The following CDH13 variants were observed in gnomAD, a reference collection of about 807,000 sequenced individuals.
CDH13 encodes cadherin 13.
A neutral mutation model predicts 63.8 loss-of-function variants in CDH13; 24 were observed. The observed-to-expected ratio is 0.38, with a 90% confidence interval of 0.27 to 0.53. The LOEUF (loss-of-function observed/expected upper bound fraction) is 0.53. Ranked by LOEUF, CDH13 falls within the 20% of genes least tolerant of loss-of-function variation. The probability of loss-of-function intolerance (pLI) is 0.85; values close to 1 mark genes in which losing one functional copy is unlikely to be tolerated. For synonymous variants in CDH13, 503 were observed against 355.3 expected, an observed-to-expected ratio of 1.42 and a Z score of -4.67; for missense variants, 1,049 against 903.1, an observed-to-expected ratio of 1.16 and a Z score of -2.07.
At chr16:82,648,767 GA>G (rs1462698411) in intron 1 of CDH13, among the ~76,000 whole-genome samples, 1 of 152,102 alleles carries the variant, frequency 6.6e-6, no homozygotes, top group Non-Finnish European at 1.5e-5. Flanking sequence ...AGTACAAGAA[GA>G]AAAAACCTTC....
chr16:83,122,840 T>G (rs1403443989), intron 3 of CDH13, among the ~76,000 whole-genome samples: 1 of 152,152 alleles, frequency 6.6e-6, no homozygotes, highest in African/African-American at 2.4e-5. Context: ...ACACACTGTG[T>G]AGTGGGAAGT....
chr16:82,892,104 A>G (rs985239621), intron 2 of CDH13, among the ~76,000 whole-genome samples: 2 of 151,960 alleles, frequency 1.3e-5, no homozygotes, highest in Non-Finnish European at 2.9e-5. Flanking sequence ...TCATCCCTTT[A>G]TGAGCTCATA....
chr16:83,700,224 A>T (rs1340645240), intron 10 of CDH13, among the ~76,000 whole-genome samples: 1 of 152,144 alleles, frequency 6.6e-6, no homozygotes, highest in Non-Finnish European at 1.5e-5. Flanking sequence ...CAGCACAATT[A>T]TTGTGGGATT....
At chr16:83,420,140 C>T (rs764316728) in intron 6 of CDH13, among the ~76,000 whole-genome samples, 9 of 152,126 alleles carry the variant, frequency 5.9e-5, no homozygotes, top group Non-Finnish European at 1.3e-4. Context: ...GGACATAGAG[C>T]TAGGTTCCAT....
chr16:82,739,603 A>G (rs1362930924), intron 1 of CDH13, among the ~76,000 whole-genome samples: 3 of 152,200 alleles, frequency 2.0e-5, no homozygotes, highest in Non-Finnish European at 2.9e-5. Flanking sequence ...AAGAAGTGCT[A>G]TTTCAAATTA....
chr16:82,827,649 G>A (rs2038318278), intron 1 of CDH13, among the ~76,000 whole-genome samples: 1 of 152,162 alleles, frequency 6.6e-6, no homozygotes, highest in African/African-American at 2.4e-5. Flanking sequence ...AGTCACTATT[G>A]TTGGTAAAGT....
At chr16:82,942,267 T>C (rs1429658369) in intron 2 of CDH13, among the ~76,000 whole-genome samples, 1 of 152,192 alleles carries the variant, frequency 6.6e-6, no homozygotes, top group East Asian at 1.9e-4. Context: ...GCAAAATGTA[T>C]TGAGAAGATC....
intron 1 of CDH13, among the ~76,000 whole-genome samples, chr16:82,812,593 C>T (rs1006219776): frequency 6.6e-6 from 1 of 151,954 alleles, no homozygotes; most frequent in African/African-American, 2.4e-5. Context: ...TTCTTCCCTG[C>T]ATCTAGTGAC....
At chr16:83,080,871 G>GTTTTTTTGTTT (rs2033184547) in intron 3 of CDH13, among the ~76,000 whole-genome samples, 1 of 46,928 alleles carries the variant, frequency 2.1e-5, no homozygotes, top group African/African-American at 9.3e-5. Flanking sequence ...TTGTTTTTGT[G>GTTTTTTTGTTT]TTTTTTTTTT....
chr16:83,421,589 C>T (rs1182933571), intron 6 of CDH13, among the ~76,000 whole-genome samples: 1 of 152,184 alleles, frequency 6.6e-6, no homozygotes, highest in Non-Finnish European at 1.5e-5. Context: ...TCTTTTCTTC[C>T]ATCAGGAAAG....
At chr16:83,083,894 A>G (rs1300758367) in intron 3 of CDH13, among the ~76,000 whole-genome samples, 1 of 152,202 alleles carries the variant, frequency 6.6e-6, no homozygotes, top group Non-Finnish European at 1.5e-5. Context: ...TGAGTTGTCA[A>G]TTTTAAATAA....
At chr16:83,444,651 G>A (rs146195376) in intron 6 of CDH13, among the ~76,000 whole-genome samples, 3 of 152,294 alleles carry the variant, frequency 2.0e-5, no homozygotes, top group East Asian at 1.9e-4. Flanking sequence ...TCCCTCCGGT[G>A]ATGCTGTTTT....
intron 5 of CDH13, among the ~76,000 whole-genome samples, chr16:83,253,905 C>T (rs1176875771): frequency 6.6e-6 from 1 of 152,176 alleles, no homozygotes; most frequent in Non-Finnish European, 1.5e-5. Context: ...CACAAATATA[C>T]ATAGGACGTG....
intron 4 of CDH13, chr16:83,180,824 T>A: frequency 7.4e-7 from 1 of 1,357,248 alleles, no homozygotes; most frequent in Non-Finnish European, 1.0e-6. Context: ...GGCTTGTTTA[T>A]TTTAATCCCC....
intron 1 of CDH13, among the ~76,000 whole-genome samples, chr16:82,680,320 A>G (rs1043888518): frequency 6.6e-6 from 1 of 152,198 alleles, no homozygotes; most frequent in East Asian, 1.9e-4. Context: ...AGACATCAAG[A>G]GTCGAGGCAC....
At chr16:83,459,117 A>T in intron 6 of CDH13, among the ~76,000 whole-genome samples, 1 of 152,256 alleles carries the variant, frequency 6.6e-6, no homozygotes, top group Admixed American at 6.5e-5. Context: ...GTTTTTAAAT[A>T]TGGCAAAATT....
intron 6 of CDH13, among the ~76,000 whole-genome samples, chr16:83,428,076 G>GT (rs1260486737): frequency 9.9e-5 from 15 of 152,204 alleles, no homozygotes; most frequent in South Asian, 2.1e-4. Flanking sequence ...CACAGAGAGG[G>GT]TCATTTATGT....
rs2031792409 is a variant in CDH13, at chr16:82,710,073, C to T, written c.45+82936C>T. 5.3e-5 allele frequency among the ~76,000 whole-genome samples: 8 copies of T among 150,320 alleles called. No individual in the cohort carries two copies. In the South Asian group the frequency reaches 1.7e-3, roughly 31 times the overall value. On this transcript the variant is annotated intron_variant, in intron 1 of 13. Coordinates refer to ENST00000567109, the MANE Select transcript of CDH13 (RefSeq NM_001257.5). ...TACACACACACACACTACACACACA[C>T]ATACACACAATACTTATATGTAAAT...
At chr16:82,907,567 C>T (rs1452452052) in intron 2 of CDH13, among the ~76,000 whole-genome samples, 1 of 152,198 alleles carries the variant, frequency 6.6e-6, no homozygotes, top group African/African-American at 2.4e-5. Flanking sequence ...GCAAAACAGT[C>T]CATGCTTGCA....
Sources: gnomAD v4.1 joint callset for allele counts (sites outside exome capture counted in the v4.1 genomes callset) on GRCh38, gnomAD v4.1.1 for gene constraint, MANE v1.5 for transcripts, NCBI Gene and HGNC (gene_info 2026-07-23, HGNC 2026-07-21) for gene names.